Variants in KCNQ1 observed in about 807,000 individuals in gnomAD.
KCNQ1 encodes the protein potassium voltage-gated channel subfamily KQT member 1.
KCNQ1 carries 49 observed loss-of-function variants against 72.4 expected under a neutral mutation model. The ratio of observed to expected loss-of-function variants is 0.68; its 90% CI spans 0.54 to 0.86. The LOEUF is 0.86. KCNQ1 is among the 40% of genes least tolerant of loss of function. The pLI is 0.00. For synonymous variants in KCNQ1, 450 were observed against 412.6 expected, an observed-to-expected ratio of 1.09 and a Z score of -1.10; for missense variants, 790 against 945.1, an observed-to-expected ratio of 0.84 and a Z score of 2.15.
chr11:2,760,713 C>T (rs1432689951), intron 11 of KCNQ1, among the ~76,000 whole-genome samples: 1 of 152,226 alleles, frequency 6.6e-6, no homozygotes, highest in Non-Finnish European at 1.5e-5. Flanking sequence ...AGGCCTCCGT[C>T]CTGCCCCCTG....
At chr11:2,524,072 G>A (rs954535980) in intron 1 of KCNQ1, among the ~76,000 whole-genome samples, 9 of 152,178 alleles carry the variant, frequency 5.9e-5, no homozygotes, top group African/African-American at 2.2e-4. Context: ...GATGGCTCGT[G>A]AGAGGGGAGG....
At position 2,603,270 on chromosome 11, in the gene KCNQ1, C is replaced by T. The variant is rs1482331394; in HGVS notation, c.1393+14416C>T. The stretch of plus-strand genomic sequence containing the variant: ...ATGTCTAAGAAAACAATGTGCCTAC[C>T]TTAATTGAAAGACACTTTATTGCTA... On this transcript the variant is annotated intron_variant, in intron 10 of 15. Coordinates refer to ENST00000155840, the MANE Select transcript of KCNQ1 (RefSeq NM_000218.3). This position sits in a 1 kb window ranked among gnomAD's most constrained non-coding sequence, Gnocchi z 4.1. Among the ~76,000 whole-genome samples, 1 of 152,116 alleles carries T rather than the reference C, an allele frequency of 6.6e-6. No individual in the cohort carries two copies. Among genetic ancestry groups the T allele is most frequent in the Non-Finnish European group, 1.5e-5 (1 of 68,028 alleles).
intron 1 of KCNQ1, among the ~76,000 whole-genome samples, chr11:2,518,691 C>T (rs775441823): frequency 2.0e-5 from 3 of 152,148 alleles, no homozygotes; most frequent in Non-Finnish European, 2.9e-5. Context: ...CTTGGGGCTT[C>T]GGGAGACAAT....
At chr11:2,744,630 C>T (rs766001813) in intron 11 of KCNQ1, among the ~76,000 whole-genome samples, 1 of 152,198 alleles carries the variant, frequency 6.6e-6, no homozygotes, top group Non-Finnish European at 1.5e-5. Flanking sequence ...AGAGATGAGA[C>T]CTTCATCCTA....
At chr11:2,732,805 G>A (rs1406667611) in intron 11 of KCNQ1, among the ~76,000 whole-genome samples, 5 of 152,088 alleles carry the variant, frequency 3.3e-5, no homozygotes, top group African/African-American at 1.2e-4. Context: ...CCGGAGCCTG[G>A]GGGCCTCTGT....
intron 11 of KCNQ1, among the ~76,000 whole-genome samples, chr11:2,705,125 G>GC: frequency 6.6e-6 from 1 of 152,214 alleles, no homozygotes; most frequent in Non-Finnish European, 1.5e-5. Flanking sequence ...CCATGCAAGA[G>GC]CAGCCTCAGC....
At chr11:2,629,956 G>T in intron 10 of KCNQ1, 1 of 398,184 alleles carries the variant, frequency 2.5e-6, no homozygotes, top group East Asian at 3.6e-5. Context: ...TTCCAGTACT[G>T]TGTTGAATAG....
At position 2,818,645 on chromosome 11, in the gene KCNQ1, C is replaced by A. The variant is rs1379811783; in HGVS notation, c.1795-29122C>A. Among the ~76,000 whole-genome samples the A allele has an allele frequency of 6.6e-6, 1 of 152,184 alleles. No individual in the cohort carries two copies. The highest frequency in any genetic ancestry group is 2.4e-5 in the African/African-American group (1 of 41,442). On this transcript the variant is annotated intron_variant, in intron 15 of 15. Coordinates refer to ENST00000155840, the MANE Select transcript of KCNQ1 (RefSeq NM_000218.3). This position sits in a 1 kb window ranked among gnomAD's most constrained non-coding sequence, Gnocchi z 7.2. ...CACCCTGTCTCCAGTTGTTCCCTAC[C>A]AGCCCAGCTGCTGGTCCCTAACCGG... is the stretch of plus-strand genomic sequence containing the variant.
rs758991499 is a variant in KCNQ1 at position 2,481,426 on chromosome 11, G to C, written c.386+35942G>C. On this transcript the variant is annotated intron_variant, in intron 1 of 15. Coordinates refer to ENST00000155840, the MANE Select transcript of KCNQ1 (RefSeq NM_000218.3). The surrounding 1 kb of genome is among the most constrained non-coding windows in gnomAD (Gnocchi z 4.6). ...TGTGTTAAGGGCGTGTACACACACAGTGCAGTCAGGAGTGAGTTGCACGTC... is the reference window on the plus strand; with the variant it reads ...TGTGTTAAGGGCGTGTACACACACACTGCAGTCAGGAGTGAGTTGCACGTC... 6.6e-6 allele frequency among the ~76,000 whole-genome samples: 1 copy of C among 152,180 alleles called. No individual in the cohort carries two copies. The highest frequency in any genetic ancestry group is 1.5e-5 in the Non-Finnish European group (1 of 68,032).
At chr11:2,454,223 G>T (rs186600692) in intron 1 of KCNQ1, among the ~76,000 whole-genome samples, 6 of 151,096 alleles carry the variant, frequency 4.0e-5, no homozygotes, top group Admixed American at 3.3e-4. Context: ...AAAGGGTGGC[G>T]GGGGGGGAGG....
At chr11:2,586,332 G>A (rs1365629985) in intron 8 of KCNQ1, among the ~76,000 whole-genome samples, 13 of 152,148 alleles carry the variant, frequency 8.5e-5, no homozygotes, top group Admixed American at 7.2e-4. Flanking sequence ...CTCAGCCATC[G>A]GGGGGGCTGT....
At chr11:2,646,195 A>ATT (rs1849662881) in intron 10 of KCNQ1, 1 of 398,388 alleles carries the variant, frequency 2.5e-6, no homozygotes, top group African/African-American at 2.1e-5. Context: ...TACTTGCTAT[A>ATT]TTTTGTGGAG....
intron 2 of KCNQ1, among the ~76,000 whole-genome samples, chr11:2,557,342 C>T (rs188576973): frequency 1.5e-3 from 227 of 152,248 alleles, no homozygotes; most frequent in Non-Finnish European, 2.4e-3. Flanking sequence ...AATATGATAA[C>T]GGGAGGAGAT....
rs1256673225 is a variant in KCNQ1 at position 2,785,799 on chromosome 11, A to G, written c.1794+7762A>G. Among the ~76,000 whole-genome samples, 1 of 152,116 alleles carries G rather than the reference A, an allele frequency of 6.6e-6. No homozygotes were observed. Among genetic ancestry groups the G allele is most frequent in the Non-Finnish European group, 1.5e-5 (1 of 67,894 alleles). On this transcript the variant is annotated intron_variant, in intron 15 of 15. Transcript: ENST00000155840. The surrounding 1 kb of genome is among the most constrained non-coding windows in gnomAD (Gnocchi z 4.4). Reference sequence around the variant, plus strand: ...TACTGGTTTTGAAGTTATGTATTCTACTACCATCCTTGGAAAGGTTAACCT... The same window carrying G: ...TACTGGTTTTGAAGTTATGTATTCTGCTACCATCCTTGGAAAGGTTAACCT...
chr11:2,709,372 T>A (rs1162991382), intron 11 of KCNQ1, among the ~76,000 whole-genome samples: 1 of 151,434 alleles, frequency 6.6e-6, no homozygotes, highest in Non-Finnish European at 1.5e-5. Context: ...CTTCCTGGAA[T>A]TGGGAGCCAC....
chr11:2,722,562 T>A (rs1845687468), intron 11 of KCNQ1, among the ~76,000 whole-genome samples: 1 of 152,138 alleles, frequency 6.6e-6, no homozygotes, highest in South Asian at 2.1e-4. Flanking sequence ...TGGGTCCCAC[T>A]GAAGCTGAGA....
rs1467781940 is a variant in KCNQ1, at chr11:2,603,345, A to G, written c.1393+14491A>G. ...GAGCACATGTTGTTGGAAAAATGGCACTGATAGACTTGCTCAGTGCAGGCT... is the reference window on the plus strand; with the variant it reads ...GAGCACATGTTGTTGGAAAAATGGCGCTGATAGACTTGCTCAGTGCAGGCT... On this transcript the variant is annotated intron_variant, in intron 10 of 15. Coordinates refer to ENST00000155840, the MANE Select transcript of KCNQ1 (RefSeq NM_000218.3). This position sits in a 1 kb window ranked among gnomAD's most constrained non-coding sequence, Gnocchi z 4.1. Among the ~76,000 whole-genome samples, 1 of 152,214 alleles carries G rather than the reference A, an allele frequency of 6.6e-6. No homozygotes were observed. The highest frequency in any genetic ancestry group is 1.5e-5 in the Non-Finnish European group (1 of 68,034).
At position 2,486,049 on chromosome 11, in the gene KCNQ1, G is replaced by T. The variant is rs1846735451; in HGVS notation, c.386+40565G>T. On this transcript the variant is annotated intron_variant, in intron 1 of 15. Coordinates refer to ENST00000155840, the MANE Select transcript of KCNQ1 (RefSeq NM_000218.3). The surrounding 1 kb of genome is among the most constrained non-coding windows in gnomAD (Gnocchi z 5.0). The stretch of plus-strand genomic sequence containing the variant: ...AACGCCCTGCTTTCAATTCTTTTGG[G>T]TATATACCCAGAAGTGGAATTTCTG... Among the ~76,000 whole-genome samples the T allele has an allele frequency of 2.0e-5, 3 of 152,290 alleles. 1 individual carries two copies. The South Asian group carries it at 6.2e-4, about 32-fold the overall frequency.
At position 2,593,530 on chromosome 11, in the gene KCNQ1, G is replaced by A. The variant is rs112445008; in HGVS notation, c.1393+4676G>A. 0.012 allele frequency among the ~76,000 whole-genome samples: 1,891 copies of A among 152,318 alleles called. 31 individuals carry two copies. The highest frequency in any genetic ancestry group is 0.045 in the South Asian group (217 of 4,830). On this transcript the variant is annotated intron_variant, in intron 10 of 15. Coordinates refer to ENST00000155840, the MANE Select transcript of KCNQ1 (RefSeq NM_000218.3). The surrounding 1 kb of genome is among the most constrained non-coding windows in gnomAD (Gnocchi z 6.9). The stretch of plus-strand genomic sequence containing the variant: ...AAGCTGTGCCTGTGTGTGTCACCAC[G>A]TGTTTGCCAGGTGACCTGGGACTAT...
Sources: gnomAD v4.1 joint callset for allele counts (sites outside exome capture counted in the v4.1 genomes callset) on GRCh38, gnomAD v4.1.1 for gene constraint, Gnocchi (gnomAD v3.1) non-coding constraint, MANE v1.5 for transcripts, NCBI Gene and HGNC (gene_info 2026-07-23, HGNC 2026-07-21) for gene names.